Variants in CNTNAP2 observed in about 807,000 individuals in gnomAD.
CNTNAP2 encodes contactin-associated protein-like 2.
A neutral mutation model predicts 155.2 loss-of-function variants in CNTNAP2; 98 were observed. The ratio of observed to expected loss-of-function variants is 0.63; its 90% CI spans 0.54 to 0.75. CNTNAP2 has a LOEUF of 0.75. CNTNAP2 is among the 30% of genes least tolerant of loss of function. The pLI, the probability that CNTNAP2 is intolerant of heterozygous loss-of-function variation, is 0.00. For synonymous variants in CNTNAP2, 651 were observed against 631.2 expected (o/e 1.03, Z -0.47); for missense variants, 1,727 against 1,688.1 (o/e 1.02, Z -0.40).
At chr7:146,793,611 G>A (rs1020379435) in intron 2 of CNTNAP2, among the ~76,000 whole-genome samples, 1 of 152,172 alleles carries the variant, frequency 6.6e-6, no homozygotes, top group Non-Finnish European at 1.5e-5. Context: ...GAATGGCAGA[G>A]GCAAGAATGC....
intron 8 of CNTNAP2, among the ~76,000 whole-genome samples, chr7:147,296,659 T>C (rs1464530891): frequency 6.6e-6 from 1 of 152,184 alleles, no homozygotes; most frequent in African/African-American, 2.4e-5. Flanking sequence ...TCTTACAAAG[T>C]AACCTATGAG....
chr7:147,643,399 G>T (rs1021134386), intron 13 of CNTNAP2: 1 of 152,136 alleles, frequency 6.6e-6, no homozygotes, highest in Non-Finnish European at 1.5e-5. Context: ...CTACTAATCT[G>T]CAGAATAGCT....
intron 11 of CNTNAP2, among the ~76,000 whole-genome samples, chr7:147,494,855 C>A (rs531052318): frequency 3.3e-5 from 5 of 152,218 alleles, no homozygotes; most frequent in African/African-American, 1.2e-4. Context: ...TACTTTTTAA[C>A]TTCTCTGAAA....
intron 1 of CNTNAP2, among the ~76,000 whole-genome samples, chr7:146,347,070 G>C (rs777278800): frequency 2.8e-4 from 42 of 147,550 alleles, no homozygotes; most frequent in Middle Eastern, 3.3e-3. Context: ...GTAAGCAGCC[G>C]TAGTTTGGAG....
intron 1 of CNTNAP2, among the ~76,000 whole-genome samples, chr7:146,625,118 G>A (rs1206926171): frequency 6.6e-6 from 1 of 151,846 alleles, no homozygotes; most frequent in Non-Finnish European, 1.5e-5. Flanking sequence ...TAATTATAAG[G>A]CTGCTTTAAT....
At chr7:146,665,800 A>AAAAAAAAAAAAAAAAAC (rs1563179456) in intron 1 of CNTNAP2, among the ~76,000 whole-genome samples, 1 of 144,708 alleles carries the variant, frequency 6.9e-6, no homozygotes, top group African/African-American at 2.7e-5. Context: ...AAAAAAAAAT[A>AAAAAAAAAAAAAAAAAC]CATTTTGTAA....
intron 1 of CNTNAP2, among the ~76,000 whole-genome samples, chr7:146,123,523 T>A (rs2116722382): frequency 6.6e-6 from 1 of 152,310 alleles, no homozygotes; most frequent in East Asian, 1.9e-4. Context: ...TAAGATGGAA[T>A]CAAGTTACAT....
rs28571924 is a variant in CNTNAP2 at position 146,575,276 on chromosome 7, C to T, written c.98-198995C>T. Among the ~76,000 whole-genome samples the T allele has an allele frequency of 7.2e-3, 1,099 of 152,128 alleles. 12 individuals are homozygous for T. The highest frequency in any genetic ancestry group is 0.025 in the African/African-American group (1,046 of 41,504). ...AGATTACAGGCGTGCACCACCACGC[C>T]CGGCTAATTTTTGTATTCTTAGTAG... is the stretch of plus-strand genomic sequence containing the variant. On this transcript the variant is annotated intron_variant, in intron 1 of 23. Coordinates refer to ENST00000361727, the MANE Select transcript of CNTNAP2 (RefSeq NM_014141.6).
In CNTNAP2 at chr7:148,033,478, G is replaced by A. The variant is rs117202413; in HGVS notation, c.2383+55489G>A. On this transcript the variant is annotated intron_variant, in intron 15 of 23. Coordinates refer to ENST00000361727, the MANE Select transcript of CNTNAP2 (RefSeq NM_014141.6). ...TCCTCTAAGTTCCCTTCCTCTACCCGCCACTCCACAAAGGCCCTTGTGTGT... is the reference window on the plus strand; with the variant it reads ...TCCTCTAAGTTCCCTTCCTCTACCCACCACTCCACAAAGGCCCTTGTGTGT... 3.6e-4 allele frequency among the ~76,000 whole-genome samples: 54 copies of A among 151,852 alleles called. 1 individual carries two copies. In the East Asian group the frequency reaches 9.0e-3, roughly 25 times the overall value.
intron 4 of CNTNAP2, among the ~76,000 whole-genome samples, chr7:147,093,277 C>T (rs900177959): frequency 1.1e-4 from 16 of 149,630 alleles, no homozygotes; most frequent in Admixed American, 6.7e-4. Flanking sequence ...AAAAGGTGTA[C>T]GTATGTCAGA....
chr7:146,198,897 G>T (rs1207161911), intron 1 of CNTNAP2, among the ~76,000 whole-genome samples: 1 of 151,966 alleles, frequency 6.6e-6, no homozygotes, highest in African/African-American at 2.4e-5. Flanking sequence ...ATATATTGAA[G>T]ATCCAGAACC....
chr7:148,156,027 T>C (rs1805392065), intron 17 of CNTNAP2, among the ~76,000 whole-genome samples: 1 of 152,156 alleles, frequency 6.6e-6, no homozygotes, highest in African/African-American at 2.4e-5. Context: ...TGGGAGAGAC[T>C]GAAGTTGACA....
At chr7:147,817,715 A>G (rs540247769) in intron 13 of CNTNAP2, among the ~76,000 whole-genome samples, 85 of 152,158 alleles carry the variant, frequency 5.6e-4, no homozygotes, top group African/African-American at 1.8e-3. Flanking sequence ...CATCCTGGCT[A>G]ACATGGTGAA....
chr7:146,780,995 G>A (rs550150611), intron 2 of CNTNAP2, among the ~76,000 whole-genome samples: 26 of 152,164 alleles, frequency 1.7e-4, no homozygotes, highest in African/African-American at 6.3e-4. Flanking sequence ...TTGGGAGGCC[G>A]AGGCAGGTGG....
chr7:146,565,925 C>A (rs967823748), intron 1 of CNTNAP2, among the ~76,000 whole-genome samples: 6 of 152,228 alleles, frequency 3.9e-5, no homozygotes, highest in Non-Finnish European at 8.8e-5. Context: ...CTCACTCCTC[C>A]CTTCTTGTTA....
intron 3 of CNTNAP2, among the ~76,000 whole-genome samples, chr7:146,970,402 A>C (rs181090069): frequency 0.039 from 5,935 of 152,272 alleles, 134 homozygotes; most frequent in South Asian, 0.076. Flanking sequence ...TGGGCAAAGG[A>C]CATGAACAGA....
intron 1 of CNTNAP2, among the ~76,000 whole-genome samples, chr7:146,432,937 C>G (rs1471358405): frequency 6.6e-6 from 1 of 152,084 alleles, no homozygotes; most frequent in Admixed American, 6.6e-5. Flanking sequence ...AGGCCTTTCT[C>G]TACAGAGAAA....
At chr7:146,691,733 C>T (rs759230904) in intron 1 of CNTNAP2, among the ~76,000 whole-genome samples, 13 of 152,092 alleles carry the variant, frequency 8.5e-5, no homozygotes, top group Non-Finnish European at 1.2e-4. Context: ...ATACTACCAA[C>T]CCCGAAACTC....
At chr7:147,207,101 T>C (rs1452790297) in intron 8 of CNTNAP2, among the ~76,000 whole-genome samples, 1 of 152,218 alleles carries the variant, frequency 6.6e-6, no homozygotes, top group Non-Finnish European at 1.5e-5. Context: ...AAAATTCTGC[T>C]GAAATGCCTC....
Sources: gnomAD v4.1 joint callset for allele counts (sites outside exome capture counted in the v4.1 genomes callset) on GRCh38, gnomAD v4.1.1 for gene constraint, MANE v1.5 for transcripts, NCBI Gene and HGNC (gene_info 2026-07-23, HGNC 2026-07-21) for gene names.